Variants in PRKAR2B observed in about 807,000 individuals in gnomAD.
PRKAR2B encodes the protein protein kinase cAMP-dependent type II regulatory subunit beta, also known as cAMP-dependent protein kinase type II-beta regulatory subunit.
A neutral mutation model predicts 49.9 loss-of-function variants in PRKAR2B; 14 were observed. The observed-to-expected ratio is 0.28, with a 90% CI of 0.19 to 0.44. PRKAR2B has a LOEUF of 0.44. PRKAR2B is among the 20% of genes least tolerant of loss of function. The pLI, the probability that PRKAR2B is intolerant of heterozygous loss-of-function variation, is 1.00. For synonymous variants in PRKAR2B, 196 were observed against 197.7 expected (o/e 0.99, Z 0.07); for missense variants, 393 against 537.9 (o/e 0.73, Z 2.67).
intron 5 of PRKAR2B, among the ~76,000 whole-genome samples, chr7:107,143,874 A>G (rs1406492878): frequency 6.6e-6 from 1 of 152,164 alleles, no homozygotes; most frequent in Non-Finnish European, 1.5e-5. Context: ...CTCATTCTAT[A>G]TATGCAAATA....
At chr7:107,093,826 A>G (rs1584423982) in intron 2 of PRKAR2B, among the ~76,000 whole-genome samples, 1 of 152,070 alleles carries the variant, frequency 6.6e-6, no homozygotes, top group East Asian at 1.9e-4. Context: ...CCATGTCCCT[A>G]CAAAGGGCAT....
chr7:107,060,812 T>G (rs146017588), intron 1 of PRKAR2B, among the ~76,000 whole-genome samples: 1 of 152,346 alleles, frequency 6.6e-6, no homozygotes, highest in East Asian at 1.9e-4. Flanking sequence ...TGATTTTTTT[T>G]GCCTTGTTTA....
chr7:107,156,971 T>C lies in PRKAR2B; in HGVS notation c.919-13T>C. 2.5e-6 allele frequency: 4 copies of C among 1,599,132 alleles called. No homozygotes were observed. Among genetic ancestry groups the C allele is most frequent in the Admixed American group, 1.7e-5 (1 of 59,706 alleles). ...GCATTTTCACCGTCTGTTTTTGTTA[T>C]TGATTCCAATAGGGAGATTCGGCTG... is the stretch of plus-strand genomic sequence containing the variant. On this transcript the variant is annotated splice_polypyrimidine_tract_variant and intron_variant, in intron 8 of 10. Transcript: ENST00000265717.
intron 2 of PRKAR2B, among the ~76,000 whole-genome samples, chr7:107,118,538 C>G (rs890232258): frequency 6.6e-6 from 1 of 151,800 alleles, no homozygotes; most frequent in African/African-American, 2.4e-5. Context: ...AGCACACAGT[C>G]GGTTCCTGGA....
intron 2 of PRKAR2B, among the ~76,000 whole-genome samples, chr7:107,096,118 G>GA (rs1342680509): frequency 6.6e-6 from 1 of 152,182 alleles, no homozygotes; most frequent in African/African-American, 2.4e-5. Flanking sequence ...ATTTGGCTGT[G>GA]AATCCGTCTG....
chr7:107,059,930 T>C (rs1282314615), intron 1 of PRKAR2B, among the ~76,000 whole-genome samples: 1 of 152,184 alleles, frequency 6.6e-6, no homozygotes, highest in Non-Finnish European at 1.5e-5. Context: ...ATATGATGTA[T>C]GATATTGCGA....
intron 2 of PRKAR2B, among the ~76,000 whole-genome samples, chr7:107,083,372 T>C (rs1794552475): frequency 6.6e-6 from 1 of 152,098 alleles, no homozygotes; most frequent in Non-Finnish European, 1.5e-5. Context: ...TTTGCAAAAA[T>C]AGATGATGGT....
intron 3 of PRKAR2B, among the ~76,000 whole-genome samples, chr7:107,127,070 C>G (rs1407761548): frequency 6.6e-6 from 1 of 152,166 alleles, no homozygotes. Flanking sequence ...TCTTTTCAGG[C>G]TTATAATTTT....
chr7:107,085,536 A>G (rs1794603074), intron 2 of PRKAR2B, among the ~76,000 whole-genome samples: 1 of 152,190 alleles, frequency 6.6e-6, no homozygotes, highest in Non-Finnish European at 1.5e-5. Context: ...AGAGTATAAA[A>G]TGAAAACAAA....
At chr7:107,093,611 G>A (rs944643286) in intron 2 of PRKAR2B, among the ~76,000 whole-genome samples, 10 of 150,992 alleles carry the variant, frequency 6.6e-5, no homozygotes, top group South Asian at 2.1e-4. Flanking sequence ...TGCTGCACCC[G>A]TTAACTCATC....
intron 1 of PRKAR2B, among the ~76,000 whole-genome samples, chr7:107,048,392 T>C (rs916558169): frequency 6.6e-6 from 1 of 151,012 alleles, no homozygotes; most frequent in Non-Finnish European, 1.5e-5. Context: ...AAGTCAGGTT[T>C]TCCTGTTTTT....
chr7:107,062,997 T>TACATAATAAAAAA (rs1339563190), intron 1 of PRKAR2B, among the ~76,000 whole-genome samples: 1 of 152,136 alleles, frequency 6.6e-6, no homozygotes, highest in Non-Finnish European at 1.5e-5. Flanking sequence ...AATACTTGTA[T>TACATAATAAAAAA]ACATAACATT....
intron 4 of PRKAR2B, among the ~76,000 whole-genome samples, chr7:107,135,212 C>T (rs1485140492): frequency 6.6e-6 from 1 of 151,902 alleles, no homozygotes; most frequent in Non-Finnish European, 1.5e-5. Context: ...CGTGGTTAGT[C>T]GTTAGAGAAA....
At chr7:107,149,811 G>A (rs1370850993) in intron 6 of PRKAR2B, among the ~76,000 whole-genome samples, 1 of 152,116 alleles carries the variant, frequency 6.6e-6, no homozygotes, top group Non-Finnish European at 1.5e-5. Context: ...GCACAATAGG[G>A]TGACCATAGT....
rs554148770 is a variant in PRKAR2B, at chr7:107,098,866, C to G, written c.344-23086C>G. Among the ~76,000 whole-genome samples the G allele has an allele frequency of 1.7e-3, 255 of 152,290 alleles. 1 individual carries two copies. The highest frequency in any genetic ancestry group is 5.9e-3 in the African/African-American group (246 of 41,558). On this transcript the variant is annotated intron_variant, in intron 2 of 10. Transcript: ENST00000265717. The stretch of plus-strand genomic sequence containing the variant: ...GAACGGCAAATGTTGCTGCCTGATC[C>G]TTTCTCTGGAAGCTTTGTCTCATAG...
chr7:107,086,656 T>G (rs2116794962), intron 2 of PRKAR2B, among the ~76,000 whole-genome samples: 1 of 152,182 alleles, frequency 6.6e-6, no homozygotes, highest in South Asian at 2.1e-4. Context: ...GATATGGGGC[T>G]TTGCCACATT....
At chr7:107,065,449 G>T in intron 1 of PRKAR2B, among the ~76,000 whole-genome samples, 1 of 151,920 alleles carries the variant, frequency 6.6e-6, no homozygotes, top group East Asian at 1.9e-4. Context: ...AGTATGCTCA[G>T]AGATGCAAAC....
intron 4 of PRKAR2B, among the ~76,000 whole-genome samples, chr7:107,135,704 TA>T (rs56704389): frequency 0.4 from 60,084 of 151,914 alleles, 14,575 homozygotes; most frequent in Non-Finnish European, 0.51. Flanking sequence ...ACTATCAAAT[TA>T]TGAAGGAAAT....
At chr7:107,053,525 A>AGAGT (rs367934743) in intron 1 of PRKAR2B, among the ~76,000 whole-genome samples, 1 of 141,892 alleles carries the variant, frequency 7.0e-6, no homozygotes, top group African/African-American at 2.6e-5. Flanking sequence ...GATTATAAAG[A>AGAGT]GTGTGTGTGT....
Sources: allele counts gnomAD v4.1 joint callset (sites outside exome capture counted in the v4.1 genomes callset), GRCh38; gene constraint gnomAD v4.1.1; transcripts MANE v1.5; gene names NCBI Gene and HGNC (gene_info 2026-07-23, HGNC 2026-07-21).